CCDC192: variants seen among roughly 807,000 people sequenced by gnomAD.
CCDC192 encodes coiled-coil domain containing 192.
chr5:127,750,020 C>T (rs1406471847), intron 2 of CCDC192, among the ~76,000 whole-genome samples: 5 of 151,782 alleles, frequency 3.3e-5, no homozygotes, highest in Non-Finnish European at 5.9e-5. Flanking sequence ...CTTTATTAGT[C>T]TTGCTAGCGG....
intron 2 of CCDC192, among the ~76,000 whole-genome samples, chr5:127,713,700 TG>T (rs1165274020): frequency 6.6e-6 from 1 of 152,218 alleles, no homozygotes; most frequent in Non-Finnish European, 1.5e-5. Flanking sequence ...TTTTTCCTGT[TG>T]TTTTCATCTT....
At chr5:127,841,197 A>C (rs767494928) in intron 5 of CCDC192, among the ~76,000 whole-genome samples, 2 of 152,220 alleles carry the variant, frequency 1.3e-5, no homozygotes, top group African/African-American at 2.4e-5. Context: ...GTGGAGCAAC[A>C]GTATAGTGGA....
intron 5 of CCDC192, among the ~76,000 whole-genome samples, chr5:127,872,239 C>A (rs1250937009): frequency 1.3e-5 from 2 of 152,172 alleles, no homozygotes; most frequent in African/African-American, 2.4e-5. Context: ...GTTAGACAGC[C>A]AATCTAAGTC....
At chr5:127,849,149 G>A (rs1246083771) in intron 5 of CCDC192, among the ~76,000 whole-genome samples, 1 of 152,152 alleles carries the variant, frequency 6.6e-6, no homozygotes, top group African/African-American at 2.4e-5. Flanking sequence ...AGAATCAATT[G>A]AACCCAAGAG....
At chr5:127,922,304 A>G (rs1375932915) in intron 6 of CCDC192, among the ~76,000 whole-genome samples, 2 of 152,374 alleles carry the variant, frequency 1.3e-5, no homozygotes, top group Non-Finnish European at 2.9e-5. Flanking sequence ...TAAGAAAATG[A>G]CTACAAAATG....
At chr5:127,885,336 C>A (rs900959393) in intron 6 of CCDC192, among the ~76,000 whole-genome samples, 1 of 152,158 alleles carries the variant, frequency 6.6e-6, no homozygotes, top group African/African-American at 2.4e-5. Context: ...ATACTTCCTT[C>A]CAGGATATTT....
chr5:127,793,246 A>G (rs1031121653), intron 3 of CCDC192, among the ~76,000 whole-genome samples: 2 of 152,222 alleles, frequency 1.3e-5, no homozygotes, highest in Non-Finnish European at 2.9e-5. Context: ...CTAAGTCAAC[A>G]TTTCTTAGAA....
chr5:127,866,628 A>G (rs945922464), intron 5 of CCDC192, among the ~76,000 whole-genome samples: 1 of 151,878 alleles, frequency 6.6e-6, no homozygotes, highest in East Asian at 1.9e-4. Context: ...AAGAATAAAG[A>G]TTCTAAAGTA....
chr5:127,805,540 T>C (rs1213863676), intron 5 of CCDC192, among the ~76,000 whole-genome samples: 2 of 152,230 alleles, frequency 1.3e-5, no homozygotes, highest in Admixed American at 1.3e-4. Flanking sequence ...TCAGACCACA[T>C]GGCAGAGTTA....
chr5:127,931,494 C>T (rs1561556568), intron 6 of CCDC192, among the ~76,000 whole-genome samples: 1 of 152,222 alleles, frequency 6.6e-6, no homozygotes, highest in Non-Finnish European at 1.5e-5. Flanking sequence ...TGTGCTCTCC[C>T]TCCTCCAGCT....
chr5:127,853,789 A>G (rs1750918492), intron 5 of CCDC192, among the ~76,000 whole-genome samples: 1 of 152,054 alleles, frequency 6.6e-6, no homozygotes, highest in African/African-American at 2.4e-5. Context: ...CAAACAAACA[A>G]ACAAACAAAA....
chr5:127,931,961 C>A (rs1299850276), intron 6 of CCDC192, among the ~76,000 whole-genome samples: 1 of 151,648 alleles, frequency 6.6e-6, no homozygotes, highest in African/African-American at 2.4e-5. Context: ...ACCATCCTGG[C>A]CAACATGGCG....
chr5:127,746,432 ACTT>A (rs760971039), intron 2 of CCDC192, among the ~76,000 whole-genome samples: 1 of 152,138 alleles, frequency 6.6e-6, no homozygotes, highest in Non-Finnish European at 1.5e-5. Context: ...AATTTTAAAA[ACTT>A]CTTCTTGAGA....
chr5:127,906,576 A>G (rs1753200881), intron 6 of CCDC192, among the ~76,000 whole-genome samples: 1 of 152,140 alleles, frequency 6.6e-6, no homozygotes, highest in Non-Finnish European at 1.5e-5. Flanking sequence ...ACTTGAGCCC[A>G]TGAGTTCAAG....
intron 6 of CCDC192, among the ~76,000 whole-genome samples, chr5:127,938,481 G>A (rs565812179): frequency 6.6e-6 from 1 of 152,284 alleles, no homozygotes; most frequent in South Asian, 2.1e-4. Context: ...GTTTCAGAGA[G>A]AGCTCATCTG....
intron 6 of CCDC192, among the ~76,000 whole-genome samples, chr5:127,923,851 A>G (rs1211338907): frequency 2.0e-5 from 3 of 152,220 alleles, no homozygotes; most frequent in African/African-American, 7.2e-5. Context: ...TTCTCTTCCA[A>G]CTTTCAGACA....
intron 6 of CCDC192, among the ~76,000 whole-genome samples, chr5:127,922,335 G>A (rs749317642): frequency 6.6e-6 from 1 of 152,138 alleles, no homozygotes; most frequent in African/African-American, 2.4e-5. Flanking sequence ...TAATGGGGAG[G>A]AGCCTCTGTT....
chr5:127,932,001 A>G (rs1457685610), intron 6 of CCDC192, among the ~76,000 whole-genome samples: 1 of 151,734 alleles, frequency 6.6e-6, no homozygotes, highest in Non-Finnish European at 1.5e-5. Flanking sequence ...ATACAAAAAA[A>G]AAATTAGCCG....
intron 5 of CCDC192, among the ~76,000 whole-genome samples, chr5:127,860,179 C>T: frequency 6.6e-6 from 1 of 152,122 alleles, no homozygotes; most frequent in Admixed American, 6.6e-5. Flanking sequence ...TCTATTTCCC[C>T]CACAAGACAA....
Sources: gnomAD v4.1 joint callset for allele counts (sites outside exome capture counted in the v4.1 genomes callset) on GRCh38, gnomAD v4.1.1 for gene constraint, MANE v1.5 for transcripts, NCBI Gene and HGNC (gene_info 2026-07-23, HGNC 2026-07-21) for gene names.